Variants in JMJD1C observed in about 807,000 individuals in gnomAD.
JMJD1C encodes the protein jumonji domain-containing protein 1C.
JMJD1C carries 31 observed loss-of-function variants against 245.3 expected under a neutral mutation model. That is an observed-to-expected ratio of 0.13 (90% CI 0.09 to 0.17). The LOEUF (loss-of-function observed/expected upper bound fraction) is 0.17. Among genes scored for constraint, JMJD1C ranks in the 10% least tolerant of loss-of-function variants. The pLI is 1.00. For synonymous variants in JMJD1C, 1,057 were observed against 1,017.4 expected (o/e 1.04, Z -0.74); for missense variants, 2,691 against 3,000.2 (o/e 0.90, Z 2.41).
At chr10:63,509,761 T>C (rs1954820738) in intron 1 of JMJD1C, among the ~76,000 whole-genome samples, 1 of 152,194 alleles carries the variant, frequency 6.6e-6, no homozygotes. Flanking sequence ...TGCTGCTCTT[T>C]CATTTTTGAT....
chr10:63,408,471 CAAGAA>C, intron 1 of JMJD1C, among the ~76,000 whole-genome samples: 1 of 151,446 alleles, frequency 6.6e-6, no homozygotes, highest in East Asian at 1.9e-4. Context: ...AGCAGAGACA[CAAGAA>C]AAGATCCCAC....
intron 1 of JMJD1C, among the ~76,000 whole-genome samples, chr10:63,459,346 G>A (rs2133076887): frequency 6.6e-6 from 1 of 152,288 alleles, no homozygotes; most frequent in East Asian, 1.9e-4. Context: ...GACCAACACT[G>A]ACAGAGTATA....
Position 63,406,794 on chromosome 10 carries a change from T to C in JMJD1C, c.169-26312A>G, listed in dbSNP as rs967211110. On this transcript the variant is annotated intron_variant, in intron 1 of 25. Transcript: ENST00000399262. ...AAGAACTAAAGTAAAATTGATAAAATGTCTTCAAATATATTCCACAGGGCT... is the reference window on the plus strand; with the variant it reads ...AAGAACTAAAGTAAAATTGATAAAACGTCTTCAAATATATTCCACAGGGCT... Among the ~76,000 whole-genome samples, 18 of 152,210 alleles carry C rather than the reference T, an allele frequency of 1.2e-4. No homozygotes were observed. The Middle Eastern group carries it at 0.01, about 86-fold the overall frequency.
rs553301837 is a variant in JMJD1C, at chr10:63,431,074, A to G, written c.168+34421T>C. Among the ~76,000 whole-genome samples, 3 of 152,320 alleles carry G rather than the reference A, an allele frequency of 2.0e-5. No homozygotes were observed. The East Asian group carries it at 5.8e-4, about 29-fold the overall frequency. ...TGGCTTAACACCTACATTAGATGAC[A>G]ATAAAACCAGTGCAGATGGTCATGA... On this transcript the variant is annotated intron_variant, in intron 1 of 25. Transcript: ENST00000399262.
intron 21 of JMJD1C, 67 bp downstream of exon 21, chr10:63,184,541 G>A (rs1843890548): frequency 6.9e-7 from 1 of 1,454,338 alleles, no homozygotes; most frequent in Admixed American, 2.2e-5. Context: ...ACTATGCCCG[G>A]CCTGAGCAAA....
At chr10:63,389,611 C>T (rs920022830) in intron 1 of JMJD1C, among the ~76,000 whole-genome samples, 1 of 151,848 alleles carries the variant, frequency 6.6e-6, no homozygotes, top group Admixed American at 6.6e-5. Flanking sequence ...TTCTCACCAG[C>T]AAATGGAAGA....
intron 3 of JMJD1C, among the ~76,000 whole-genome samples, chr10:63,230,036 C>T (rs1049525358): frequency 1.3e-5 from 2 of 152,064 alleles, no homozygotes; most frequent in Non-Finnish European, 2.9e-5. Flanking sequence ...CTAGCATGTC[C>T]ACGGGCAAAT....
intron 22 of JMJD1C, among the ~76,000 whole-genome samples, chr10:63,182,315 G>T (rs1192426748): frequency 6.6e-6 from 1 of 152,208 alleles, no homozygotes; most frequent in African/African-American, 2.4e-5. Context: ...ATTCAAAGAG[G>T]TTGTGATTAA....
chr10:63,346,845 C>T (rs374700368), intron 2 of JMJD1C, among the ~76,000 whole-genome samples: 62 of 152,070 alleles, frequency 4.1e-4, no homozygotes, highest in African/African-American at 1.3e-3. Flanking sequence ...CATAATTTAG[C>T]GCAACTAAAA....
intron 2 of JMJD1C, among the ~76,000 whole-genome samples, chr10:63,337,623 G>GAAAAGA (rs1942952390): frequency 2.4e-5 from 1 of 41,538 alleles, no homozygotes; most frequent in Non-Finnish European, 5.3e-5. Flanking sequence ...GAAAAGAAAA[G>GAAAAGA]AAAAAGAAAA....
At chr10:63,253,212 A>G (rs933068351) in intron 3 of JMJD1C, among the ~76,000 whole-genome samples, 14 of 152,224 alleles carry the variant, frequency 9.2e-5, no homozygotes, top group Non-Finnish European at 1.3e-4. Flanking sequence ...AAGGACAGAT[A>G]TATAGACCAA....
chr10:63,216,644 A>G (rs1348698042), intron 5 of JMJD1C, among the ~76,000 whole-genome samples: 1 of 152,172 alleles, frequency 6.6e-6, no homozygotes, highest in African/African-American at 2.4e-5. Flanking sequence ...CAGGTGGTGG[A>G]GCTTACAGTG....
chr10:63,192,181 A>C (rs556816732), intron 16 of JMJD1C, among the ~76,000 whole-genome samples: 1 of 149,428 alleles, frequency 6.7e-6, no homozygotes, highest in African/African-American at 2.5e-5. Flanking sequence ...TACTCTGGGA[A>C]GACGAGGTAG....
intron 1 of JMJD1C, among the ~76,000 whole-genome samples, chr10:63,439,504 T>G (rs1951241750): frequency 6.6e-6 from 1 of 152,152 alleles, no homozygotes; most frequent in Non-Finnish European, 1.5e-5. Flanking sequence ...TCCCTGACTC[T>G]CAACAACTCC....
At position 63,214,218 on chromosome 10, in the gene JMJD1C, GT is replaced by G; in HGVS notation, c.1948del (p.Thr650LeufsTer7). ...PSPEVVKPKITHSPDSVKSKA... is the reference protein window; with the variant it reads ...PSPEVVKPKIXHSPDSVKSKA... ...AGACTTTACAGAATCAGGAGAATGA[GT>G]TATTTTGGGTTTAACAACTTCAGGT... On this transcript the variant is annotated frameshift_variant, in exon 8 of 26. Coordinates refer to ENST00000399262, the MANE Select transcript of JMJD1C (RefSeq NM_032776.3). LOFTEE classifies it high-confidence loss of function. 1.2e-6 allele frequency: 2 copies of G among 1,613,958 alleles called. No individual in the cohort carries two copies. Among genetic ancestry groups the G allele is most frequent in the Non-Finnish European group, 1.7e-6 (2 of 1,179,962 alleles).
intron 1 of JMJD1C, among the ~76,000 whole-genome samples, chr10:63,476,853 C>A (rs1377107002): frequency 2.6e-5 from 4 of 151,986 alleles, no homozygotes; most frequent in African/African-American, 9.7e-5. Flanking sequence ...CCACTTGAGG[C>A]CAGCAGATCA....
intron 2 of JMJD1C, among the ~76,000 whole-genome samples, chr10:63,346,801 T>A (rs146053922): frequency 5.4e-4 from 82 of 152,320 alleles, no homozygotes; most frequent in African/African-American, 1.9e-3. Flanking sequence ...GGCTACTATT[T>A]TTAAGAGACT....
chr10:63,271,016 T>C (rs966718222), intron 2 of JMJD1C, among the ~76,000 whole-genome samples: 1 of 152,172 alleles, frequency 6.6e-6, no homozygotes, highest in Non-Finnish European at 1.5e-5. Flanking sequence ...CACGCTTCTG[T>C]ATTACAATTT....
chr10:63,228,328 C>CT (rs1438665227), intron 3 of JMJD1C, among the ~76,000 whole-genome samples: 1 of 151,762 alleles, frequency 6.6e-6, no homozygotes, highest in African/African-American at 2.4e-5. Flanking sequence ...ATGACATATT[C>CT]TTCTTTTTGA....
Sources: gnomAD v4.1 joint callset for allele counts (sites outside exome capture counted in the v4.1 genomes callset) on GRCh38, gnomAD v4.1.1 for gene constraint, MANE v1.5 for transcripts, NCBI Gene and HGNC (gene_info 2026-07-23, HGNC 2026-07-21) for gene names.